Variants in ARB2A observed in about 807,000 individuals in gnomAD.
ARB2A encodes ARB2 cotranscriptional regulator A.
At chr5:93,848,291 G>A in the ARB2A span, among the ~76,000 whole-genome samples, 2 of 152,026 alleles carry the variant, frequency 1.3e-5, no homozygotes, top group East Asian at 3.9e-4. Flanking sequence ...GCTGAGGCAG[G>A]AGAATCACTT....
At chr5:93,620,837 T>C in the ARB2A span, 1 of 1,017,878 alleles carries the variant, frequency 9.8e-7, no homozygotes, top group South Asian at 1.9e-5. Context: ...CTAGAAATAA[T>C]GCAAAACGCT....
At chr5:93,918,430 C>CTTTTTTTTTTTTTTTTTTTT in the ARB2A span, among the ~76,000 whole-genome samples, 1 of 107,354 alleles carries the variant, frequency 9.3e-6, no homozygotes, top group Non-Finnish European at 1.9e-5. Flanking sequence ...TTCCAAATTT[C>CTTTTTTTTTTTTTTTTTTTT]TTTTTTTTTT....
At chr5:93,845,155 T>C in the ARB2A span, among the ~76,000 whole-genome samples, 317 of 152,332 alleles carry the variant, frequency 2.1e-3, 1 homozygote, top group Non-Finnish European at 9.9e-4. Flanking sequence ...TTTGGGAATC[T>C]TAAGTCAGAT....
chr5:93,619,827 T>C, the ARB2A span: 1 of 152,170 alleles, frequency 6.6e-6, no homozygotes, highest in Non-Finnish European at 1.5e-5. Flanking sequence ...TGCTAAAAAT[T>C]ATACCATTGG....
chr5:93,655,726 G>C, the ARB2A span, among the ~76,000 whole-genome samples: 316 of 152,242 alleles, frequency 2.1e-3, no homozygotes, highest in Admixed American at 3.7e-3. Context: ...TTTTTAAGTA[G>C]TTAAATGAAG....
the ARB2A span, among the ~76,000 whole-genome samples, chr5:94,002,837 G>A: frequency 0.011 from 1,745 of 151,842 alleles, 36 homozygotes; most frequent in African/African-American, 0.04. Flanking sequence ...CAGCAGGATC[G>A]AGTCCAGCAT....
chr5:94,099,093 A>C, the ARB2A span, among the ~76,000 whole-genome samples: 1 of 152,296 alleles, frequency 6.6e-6, no homozygotes, highest in East Asian at 1.9e-4. Flanking sequence ...ATTCCAAAAA[A>C]TTGAGGAGGA....
At chr5:93,722,637 C>T in the ARB2A span, among the ~76,000 whole-genome samples, 1 of 152,068 alleles carries the variant, frequency 6.6e-6, no homozygotes, top group African/African-American at 2.4e-5. Flanking sequence ...AGTTCTGGGG[C>T]ATTCCTCTTG....
At chr5:93,905,231 C>T in the ARB2A span, among the ~76,000 whole-genome samples, 4 of 151,540 alleles carry the variant, frequency 2.6e-5, no homozygotes, top group Non-Finnish European at 5.9e-5. Context: ...TACACAATGG[C>T]TCCATCATTT....
At chr5:93,852,094 T>C in the ARB2A span, among the ~76,000 whole-genome samples, 4 of 152,214 alleles carry the variant, frequency 2.6e-5, no homozygotes, top group African/African-American at 9.7e-5. Context: ...TTCCTATTTC[T>C]CCACATCCTC....
chr5:93,631,873 C>T, the ARB2A span, among the ~76,000 whole-genome samples: 2 of 152,106 alleles, frequency 1.3e-5, no homozygotes, highest in African/African-American at 4.8e-5. Context: ...TTGCAAAATG[C>T]TCTCCTTATT....
chr5:93,620,918 C>A, the ARB2A span: 3 of 1,517,484 alleles, frequency 2.0e-6, no homozygotes, highest in Non-Finnish European at 2.6e-6. Context: ...GGAGTCCGCT[C>A]GACACAAGCA....
At chr5:93,909,179 G>A in the ARB2A span, among the ~76,000 whole-genome samples, 1 of 151,056 alleles carries the variant, frequency 6.6e-6, no homozygotes, top group Admixed American at 6.6e-5. Flanking sequence ...ATCACAAGAA[G>A]TTATTTGCTA....
chr5:93,865,986 T>G, the ARB2A span: 3 of 985,422 alleles, frequency 3.0e-6, no homozygotes, highest in Non-Finnish European at 3.6e-6. Flanking sequence ...TTATGTCCCC[T>G]TAAGAGTTAT....
chr5:93,624,315 TAAGGTCTAGTCTTTTCAC>T, the ARB2A span, among the ~76,000 whole-genome samples: 2 of 152,190 alleles, frequency 1.3e-5, no homozygotes, highest in African/African-American at 4.8e-5. Context: ...GTTTTATGGT[TAAGGTCTAGTCTTTTCAC>T]TACCACCACT....
At chr5:93,822,595 T>C in the ARB2A span, among the ~76,000 whole-genome samples, 1 of 151,882 alleles carries the variant, frequency 6.6e-6, no homozygotes, top group South Asian at 2.1e-4. Context: ...AAAGAAAAAA[T>C]AAGCTATATA....
the ARB2A span, chr5:93,964,543 C>G: frequency 6.5e-7 from 1 of 1,530,524 alleles, no homozygotes; most frequent in Non-Finnish European, 8.9e-7. Flanking sequence ...AAAGAAATAA[C>G]ACATTAAGAT....
chr5:94,105,004 A>G, the ARB2A span, among the ~76,000 whole-genome samples: 25 of 152,216 alleles, frequency 1.6e-4, no homozygotes, highest in Admixed American at 1.3e-3. Context: ...TTAAATAAAA[A>G]GAGCCAGTTA....
At chr5:93,644,149 A>C in the ARB2A span, among the ~76,000 whole-genome samples, 1 of 152,216 alleles carries the variant, frequency 6.6e-6, no homozygotes, top group Non-Finnish European at 1.5e-5. Context: ...AGAGGCTCCC[A>C]ATAAATACTC....
Sources: gnomAD v4.1 joint callset for allele counts (sites outside exome capture counted in the v4.1 genomes callset) on GRCh38, gnomAD v4.1.1 for gene constraint, MANE v1.5 for transcripts, NCBI Gene and HGNC (gene_info 2026-07-23, HGNC 2026-07-21) for gene names.